EYA1: variants seen among roughly 807,000 people sequenced by gnomAD.
EYA1 encodes EYA transcriptional coactivator and phosphatase 1.
EYA1 carries 16 observed loss-of-function variants against 82.0 expected under a neutral mutation model. The ratio of observed to expected loss-of-function variants is 0.20; its 90% CI spans 0.13 to 0.30. The LOEUF (loss-of-function observed/expected upper bound fraction) is 0.30. Among genes scored for constraint, EYA1 ranks in the 10% least tolerant of loss-of-function variants. The pLI is 1.00. For synonymous variants in EYA1, 261 were observed against 264.4 expected, an observed-to-expected ratio of 0.99 and a Z score of 0.12; for missense variants, 633 against 730.7, an observed-to-expected ratio of 0.87 and a Z score of 1.54.
intron 2 of EYA1, among the ~76,000 whole-genome samples, chr8:71,394,729 G>T (rs1446880935): frequency 1.3e-5 from 2 of 152,138 alleles, no homozygotes; most frequent in African/African-American, 4.8e-5. Context: ...GTAGCTTGAT[G>T]CCTCCAGTTT....
chr8:71,426,093 A>G (rs1288048716), intron 2 of EYA1, among the ~76,000 whole-genome samples: 1 of 152,230 alleles, frequency 6.6e-6, no homozygotes, highest in Non-Finnish European at 1.5e-5. Context: ...GTGTTGACTA[A>G]TAAGAATATG....
intron 7 of EYA1, among the ~76,000 whole-genome samples, chr8:71,309,422 G>T (rs1162725861): frequency 6.6e-6 from 1 of 151,752 alleles, no homozygotes; most frequent in Non-Finnish European, 1.5e-5. Flanking sequence ...TATGAGAAGA[G>T]TGGCAAAGCA....
At chr8:71,488,676 A>C (rs968908932) in intron 2 of EYA1, among the ~76,000 whole-genome samples, 33 of 152,274 alleles carry the variant, frequency 2.2e-4, no homozygotes, top group African/African-American at 7.2e-4. Flanking sequence ...TATTTACCAA[A>C]CTATATACTT....
chr8:71,362,128 G>GGTC, upstream of EYA1: 2 of 965,236 alleles, frequency 2.1e-6, no homozygotes, highest in Non-Finnish European at 2.5e-6. Context: ...CAGCCTTGTA[G>GGTC]GTCTGCCCAT....
At chr8:71,387,753 T>A (rs1159903504) in intron 2 of EYA1, among the ~76,000 whole-genome samples, 1 of 152,114 alleles carries the variant, frequency 6.6e-6, no homozygotes, top group African/African-American at 2.4e-5. Context: ...CCATGGGATA[T>A]CTTGGTGGAG....
chr8:71,329,341 T>C (rs543931750), intron 4 of EYA1, among the ~76,000 whole-genome samples: 4 of 152,288 alleles, frequency 2.6e-5, no homozygotes, highest in African/African-American at 9.6e-5. Context: ...ATTTTCTTAA[T>C]TTCATATTCT....
rs915899355 is a variant in EYA1, at chr8:71,346,436, ATATATATATATATATATATC to A, written c.124+8326_124+8345del. Among the ~76,000 whole-genome samples the A allele has an allele frequency of 7.1e-4, 97 of 135,956 alleles. 1 individual carries two copies. Among genetic ancestry groups the A allele is most frequent in the Non-Finnish European group, 1.2e-3 (77 of 64,930 alleles). The allele number at this position is 135,956 out of a possible 152,430, so 89.2% of individuals were successfully genotyped here. A position where few individuals can be genotyped will look rare whatever the true frequency, so the allele number is the denominator to read the frequency against. ...TTTATTTTTTTACTGCAGTGAATAT[ATATATATATATATATATATC>A]TATATATATCCTTCTCCCTGCAGTT... is the stretch of plus-strand genomic sequence containing the variant. On this transcript the variant is annotated intron_variant, in intron 3 of 17. Coordinates refer to ENST00000340726, the MANE Select transcript of EYA1 (RefSeq NM_000503.6).
intron 12 of EYA1, among the ~76,000 whole-genome samples, chr8:71,236,948 T>C (rs190921268): frequency 6.6e-6 from 1 of 152,350 alleles, no homozygotes; most frequent in East Asian, 1.9e-4. Flanking sequence ...TTTATATCCT[T>C]ACCAGCAATG....
At chr8:71,210,022 C>G (rs1035312050) in intron 17 of EYA1, among the ~76,000 whole-genome samples, 3 of 152,122 alleles carry the variant, frequency 2.0e-5, no homozygotes, top group African/African-American at 4.8e-5. Context: ...AATTATATAT[C>G]TTTACTATAT....
chr8:71,244,888 G>T (rs568742835), intron 11 of EYA1, among the ~76,000 whole-genome samples, 196 bp from the exon 12 acceptor site: 16 of 152,252 alleles, frequency 1.1e-4, no homozygotes, highest in African/African-American at 3.4e-4. Context: ...TATAAAAAGA[G>T]CCCCAAATGT....
chr8:71,401,785 GTTCTTGTT>G (rs1328725429), intron 2 of EYA1, among the ~76,000 whole-genome samples: 2 of 152,196 alleles, frequency 1.3e-5, no homozygotes, highest in Non-Finnish European at 2.9e-5. Context: ...AATCCTTGTT[GTTCTTGTT>G]ACCACTACTA....
chr8:71,454,479 C>T (rs1807704302), intron 2 of EYA1, among the ~76,000 whole-genome samples: 1 of 152,196 alleles, frequency 6.6e-6, no homozygotes, highest in African/African-American at 2.4e-5. Flanking sequence ...CTTCTCAGCA[C>T]CACATCACAC....
chr8:71,471,898 A>G (rs1303563423), intron 2 of EYA1, among the ~76,000 whole-genome samples: 1 of 152,014 alleles, frequency 6.6e-6, no homozygotes, highest in Non-Finnish European at 1.5e-5. Flanking sequence ...CTCCCTTATA[A>G]ACTAGCCATT....
chr8:71,323,253 C>T (rs989502609), intron 4 of EYA1, among the ~76,000 whole-genome samples: 24 of 152,046 alleles, frequency 1.6e-4, no homozygotes, highest in Admixed American at 6.6e-5. Context: ...TAATCTCTAT[C>T]GGGCTAAGAT....
chr8:71,202,847 A>C (rs897936761), intron 17 of EYA1, among the ~76,000 whole-genome samples: 3 of 152,192 alleles, frequency 2.0e-5, no homozygotes, highest in Admixed American at 6.5e-5. Context: ...TAAGTGAATG[A>C]CTATAAGAAG....
chr8:71,408,248 G>T (rs1830383981), intron 2 of EYA1, among the ~76,000 whole-genome samples: 1 of 151,996 alleles, frequency 6.6e-6, no homozygotes, highest in African/African-American at 2.4e-5. Flanking sequence ...GGAACAACTG[G>T]TACCAGCCGC....
At chr8:71,400,260 C>A (rs1423146978) in intron 2 of EYA1, among the ~76,000 whole-genome samples, 2 of 152,120 alleles carry the variant, frequency 1.3e-5, no homozygotes, top group Non-Finnish European at 2.9e-5. Flanking sequence ...ATGAAAACAT[C>A]AAAAGCAATT....
At chr8:71,393,541 T>C (rs916383834) in intron 2 of EYA1, among the ~76,000 whole-genome samples, 2 of 152,066 alleles carry the variant, frequency 1.3e-5, no homozygotes, top group Non-Finnish European at 2.9e-5. Context: ...TGAGAACATG[T>C]GGTGTTTGGT....
At chr8:71,343,212 T>C (rs1239466296) in intron 3 of EYA1, among the ~76,000 whole-genome samples, 1 of 152,130 alleles carries the variant, frequency 6.6e-6, no homozygotes, top group Non-Finnish European at 1.5e-5. Flanking sequence ...CAGCAGGCCA[T>C]TTCAGCAGCT....
Sources: allele counts gnomAD v4.1 joint callset (sites outside exome capture counted in the v4.1 genomes callset), GRCh38; gene constraint gnomAD v4.1.1; transcripts MANE v1.5; gene names NCBI Gene and HGNC (gene_info 2026-07-23, HGNC 2026-07-21).